Variants in USF1 observed in about 807,000 individuals in gnomAD.
The protein encoded by USF1 is upstream stimulatory factor 1.
In USF1, 22 loss-of-function variants were observed where a neutral mutation model predicts 46.3. The ratio of observed to expected loss-of-function variants is 0.47; its 90% CI spans 0.34 to 0.68. The LOEUF (loss-of-function observed/expected upper bound fraction) is 0.68. Among genes scored for constraint, USF1 ranks in the 30% least tolerant of loss-of-function variants. The pLI, the probability that USF1 is intolerant of heterozygous loss-of-function variation, is 0.01. For synonymous variants in USF1, 150 were observed against 147.0 expected (o/e 1.02, Z -0.15); for missense variants, 287 against 399.3 (o/e 0.72, Z 2.40).
At chr1:161,043,480 T>G in intron 1 of USF1, 120 bp from the exon 2 acceptor site, 1 of 722,680 alleles carries the variant, frequency 1.4e-6, no homozygotes, top group Non-Finnish European at 2.3e-6. Flanking sequence ...CAGGGGACAA[T>G]CAGCCTCCAC....
rs1196632445 is a variant in USF1 at position 161,040,343 on chromosome 1, G to A, written c.715-13C>T. 2 of 1,613,114 alleles carry A rather than the reference G, an allele frequency of 1.2e-6. No homozygotes were observed. Among genetic ancestry groups the A allele is most frequent in the African/African-American group, 1.3e-5 (1 of 74,874 alleles). On this transcript the variant is annotated splice_polypyrimidine_tract_variant and intron_variant, in intron 9 of 10. Transcript: ENST00000368021. The surrounding 1 kb of genome is among the most constrained non-coding windows in gnomAD (Gnocchi z 4.0). ...TCCCACCTTTACTCTGCAAGATAAGGTCAACAAAATGAGAACTAGGATTTC... is the reference window on the plus strand; with the variant it reads ...TCCCACCTTTACTCTGCAAGATAAGATCAACAAAATGAGAACTAGGATTTC...
chr1:161,040,676 G>A lies in USF1; in HGVS notation c.620-6C>T, dbSNP rs1650513651. The A allele has an allele frequency of 1.2e-6, 2 of 1,610,676 alleles. No homozygotes were observed. The highest frequency in any genetic ancestry group is 2.2e-5 in the East Asian group (1 of 44,858). On this transcript the variant is annotated splice_polypyrimidine_tract_variant and splice_region_variant and intron_variant, in intron 8 of 10. Coordinates refer to ENST00000368021, the MANE Select transcript of USF1 (RefSeq NM_007122.5). The surrounding 1 kb of genome is among the most constrained non-coding windows in gnomAD (Gnocchi z 4.0). Reference sequence around the variant, plus strand: ...GTCTCGGCGGCGACGCTCCACTGTGGGGCAAAGTGGAGGACAAGGTGACTC... The same window carrying A: ...GTCTCGGCGGCGACGCTCCACTGTGAGGCAAAGTGGAGGACAAGGTGACTC...
In USF1 at chr1:161,042,848, C is replaced by A. The variant is rs1185849648; in HGVS notation, c.43G>T (p.Val15Leu). 1 of 1,614,222 alleles carries A rather than the reference C, an allele frequency of 6.2e-7. No individual in the cohort carries two copies. The highest frequency in any genetic ancestry group is 8.5e-7 in the Non-Finnish European group (1 of 1,180,042). Residue 15 changes from valine (V) to leucine (L), a missense_variant, in exon 3 of 11, where the codon GTG becomes TTG. By Grantham distance (32) the Val-to-Leu change is conservative (BLOSUM62 1). Coordinates refer to ENST00000368021, the MANE Select transcript of USF1 (RefSeq NM_007122.5). ...QKTAETEEGT[V>L]QIQEGAVATG... ...TAGCACTCACCTTCCTGAATCTGCACTGTCCCCTCTTCCGTTTCAGCTGTT... is the reference window on the plus strand; with the variant it reads ...TAGCACTCACCTTCCTGAATCTGCAATGTCCCCTCTTCCGTTTCAGCTGTT...
chr1:161,043,301 G>T lies in USF1; in HGVS notation c.-26C>A. 1 of 1,614,180 alleles carries T rather than the reference G, an allele frequency of 6.2e-7. No homozygotes were observed. The highest frequency in any genetic ancestry group is 1.1e-5 in the South Asian group (1 of 91,070). On this transcript the variant is annotated 5_prime_UTR_variant, in exon 2 of 11. Coordinates refer to ENST00000368021, the MANE Select transcript of USF1 (RefSeq NM_007122.5). Reference sequence around the variant, plus strand: ...CTCTCTGTGAGGGGGCACATCCGAGGAACTGGTCCTTTTTTGGAGGTCTTT... The same window carrying T: ...CTCTCTGTGAGGGGGCACATCCGAGTAACTGGTCCTTTTTTGGAGGTCTTT...
Position 161,040,537 on chromosome 1 carries a change from A to G in USF1, c.714+39T>C. The G allele has an allele frequency of 6.2e-7, 1 of 1,601,184 alleles. No individual in the cohort carries two copies. Among genetic ancestry groups the G allele is most frequent in the Middle Eastern group, 1.8e-4 (1 of 5,538 alleles). ...TCTGGAAACAATACCAGGAGGCAGAATTCAGGCATCCTGCCCACTACCAGG... is the reference window on the plus strand; with the variant it reads ...TCTGGAAACAATACCAGGAGGCAGAGTTCAGGCATCCTGCCCACTACCAGG... On this transcript the variant is annotated intron_variant, in intron 9 of 10. Transcript: ENST00000368021. The surrounding 1 kb of genome is among the most constrained non-coding windows in gnomAD (Gnocchi z 4.0).
rs758423256 is a variant in USF1 at position 161,040,948 on chromosome 1, A to G, written c.561-76T>C. 5.0e-6 allele frequency: 8 copies of G among 1,590,732 alleles called. No homozygotes were observed. The highest frequency in any genetic ancestry group is 6.9e-6 in the Non-Finnish European group (8 of 1,163,602). ...GAAGTTTGGGGTTAAGGAATTATAC[A>G]AGATTTAGCAGGTATTAGGACCACT... On this transcript the variant is annotated intron_variant, in intron 7 of 10. Transcript: ENST00000368021. This position sits in a 1 kb window ranked among gnomAD's most constrained non-coding sequence, Gnocchi z 4.0.
chr1:161,039,763 G>C lies in USF1; in HGVS notation c.*157C>G. 1 of 717,070 alleles carries C rather than the reference G, an allele frequency of 1.4e-6. No individual in the cohort carries two copies. The highest frequency in any genetic ancestry group is 2.3e-6 in the Non-Finnish European group (1 of 435,438). The allele number at this position is 717,070 out of a possible 1,614,324, so 44.4% of individuals were successfully genotyped here. A position where few individuals can be genotyped will look rare whatever the true frequency, so the allele number is the denominator to read the frequency against. On this transcript the variant is annotated 3_prime_UTR_variant, in exon 11 of 11. Coordinates refer to ENST00000368021, the MANE Select transcript of USF1 (RefSeq NM_007122.5). ...CATTGTGTGTTTCACACCACTGCAG[G>C]CCGCCATATCACAGGGCCTCAGTTC...
chr1:161,041,445 T>C, intron 6 of USF1, 34 bp from the exon 7 acceptor site: 1 of 1,604,844 alleles, frequency 6.2e-7, no homozygotes, highest in Non-Finnish European at 8.5e-7. Flanking sequence ...TGTCAGGACA[T>C]GGGTAGGAAC....
Position 161,043,367 on chromosome 1 carries a change from G to C in USF1, c.-85-7C>G. 1 of 1,598,622 alleles carries C rather than the reference G, an allele frequency of 6.3e-7. No individual in the cohort carries two copies. Among genetic ancestry groups the C allele is most frequent in the Non-Finnish European group, 8.6e-7 (1 of 1,169,360 alleles). ...CAGGCCTGAGTGCTAAGTCCTGGTA[G>C]AAATCATGAAGTTTGCAATGAGTTT... On this transcript the variant is annotated splice_region_variant and splice_polypyrimidine_tract_variant and intron_variant, in intron 1 of 10. Coordinates refer to ENST00000368021, the MANE Select transcript of USF1 (RefSeq NM_007122.5).
Position 161,040,474 on chromosome 1 carries a change from A to G in USF1, c.714+102T>C, listed in dbSNP as rs1650500293. The G allele has an allele frequency of 3.9e-6, 6 of 1,556,690 alleles. No homozygotes were observed. The highest frequency in any genetic ancestry group is 5.2e-6 in the Non-Finnish European group (6 of 1,146,682). ...AGGGATACAGGAACCTCAGGGAGAG[A>G]TAAGACTACTGTCATGTGTGCCCCT... On this transcript the variant is annotated intron_variant, in intron 9 of 10. Coordinates refer to ENST00000368021, the MANE Select transcript of USF1 (RefSeq NM_007122.5). The surrounding 1 kb of genome is among the most constrained non-coding windows in gnomAD (Gnocchi z 4.0).
At position 161,040,184 on chromosome 1, in the gene USF1, T is replaced by TG. The variant is rs753372819; in HGVS notation, c.843+17dup. The TG allele has an allele frequency of 1.2e-6, 2 of 1,613,710 alleles. No individual in the cohort carries two copies. Among genetic ancestry groups the TG allele is most frequent in the Non-Finnish European group, 1.7e-6 (2 of 1,179,848 alleles). ...CTAGCAGAACTGAGAAGGGCTGCAC[T>TG]GGGGGTAGGAGTCTGACCTGTTGTC... On this transcript the variant is annotated intron_variant, in intron 10 of 10. Coordinates refer to ENST00000368021, the MANE Select transcript of USF1 (RefSeq NM_007122.5). The surrounding 1 kb of genome is among the most constrained non-coding windows in gnomAD (Gnocchi z 4.0).
In USF1 at chr1:161,042,606, G is replaced by A. The variant is rs375213662; in HGVS notation, c.123C>T (p.Thr41=). The part of the protein sequence containing the change: ...VAIASIQSAA[T]FPDPNVKYVF... ...CGTACTTGACGTTGGGGTCAGGGAA[G>A]GTGGCAGCTGACTGGATGCTGGCAA... The change falls in exon 4 of 11, where the codon ACC becomes ACT. Residue 41 remains threonine (T), a synonymous_variant. Coordinates refer to ENST00000368021, the MANE Select transcript of USF1 (RefSeq NM_007122.5). The A allele has an allele frequency of 5.0e-6, 8 of 1,614,146 alleles. No individual in the cohort carries two copies. The highest frequency in any genetic ancestry group is 6.8e-6 in the Non-Finnish European group (8 of 1,180,060).
chr1:161,043,436 G>C (rs1175140451), intron 1 of USF1, 76 bp from the exon 2 acceptor site: 5 of 1,135,944 alleles, frequency 4.4e-6, no homozygotes, highest in Non-Finnish European at 6.3e-6. Flanking sequence ...TAGGTTCCAT[G>C]AACACATAGC....
At chr1:161,041,261 CAAAAAAA>C (rs1181304214) in intron 7 of USF1, 56 bp downstream of exon 7, 109 of 668,452 alleles carry the variant, frequency 1.6e-4, no homozygotes, top group Non-Finnish European at 1.9e-4. Context: ...GACTCTGTCT[CAAAAAAA>C]AAAAAAAAAA....
At chr1:161,042,012 G>A (rs1356121067) in intron 5 of USF1, 104 bp downstream of exon 5, 3 of 1,357,838 alleles carry the variant, frequency 2.2e-6, no homozygotes, top group Non-Finnish European at 3.1e-6. Context: ...GGACAAGGCA[G>A]CCTTAGATGC....
Position 161,040,879 on chromosome 1 carries a change from A to G in USF1, c.561-7T>C, listed in dbSNP as rs1012934227. ...CCGGGGAGCTTCTGACTTCCTGACA[A>G]CAGAGCCCAGGGTGGCCAGAGTAAG... On this transcript the variant is annotated splice_region_variant and splice_polypyrimidine_tract_variant and intron_variant, in intron 7 of 10. Coordinates refer to ENST00000368021, the MANE Select transcript of USF1 (RefSeq NM_007122.5). The surrounding 1 kb of genome is among the most constrained non-coding windows in gnomAD (Gnocchi z 4.0). The G allele has an allele frequency of 1.2e-6, 2 of 1,614,082 alleles. No individual in the cohort carries two copies. The highest frequency in any genetic ancestry group is 1.7e-6 in the Non-Finnish European group (2 of 1,180,002).
In USF1 at chr1:161,041,307, A is replaced by AAACAAGG; in HGVS notation, c.560+10_560+16dup. On this transcript the variant is annotated intron_variant, in intron 7 of 10. Coordinates refer to ENST00000368021, the MANE Select transcript of USF1 (RefSeq NM_007122.5). ...AAAACCACTTACGGAATCTGAGAAGAAACAAGGGTCACTCACGGGGAATAA... is the reference window on the plus strand; with the variant it reads ...AAAACCACTTACGGAATCTGAGAAGAAACAAGGAACAAGGGTCACTCACGGGGAATAA... The AAACAAGG allele has an allele frequency of 6.3e-7, 1 of 1,592,108 alleles. No homozygotes were observed. The highest frequency in any genetic ancestry group is 1.1e-5 in the South Asian group (1 of 88,178).
At position 161,041,404 on chromosome 1, in the gene USF1, G is replaced by T. The variant is rs956695756; in HGVS notation, c.480C>A (p.Phe160Leu). 9.9e-6 allele frequency: 16 copies of T among 1,613,168 alleles called. No homozygotes were observed. The highest frequency in any genetic ancestry group is 2.7e-5 in the African/African-American group (2 of 74,798). ...CTTCTTGTGGTGACATCATCACAAA[G>T]AATTGACCTGTGAAGATGCAGGGTA... Reference protein sequence around the residue: ...GQATPPGTGQFFVMMSPQEVL... With the variant: ...GQATPPGTGQLFVMMSPQEVL... The change falls in exon 7 of 11, where the codon TTC becomes TTA. Residue 160 changes from phenylalanine (F) to leucine (L), a missense_variant. Phe to Leu is a conservative substitution (Grantham distance 22). Coordinates refer to ENST00000368021, the MANE Select transcript of USF1 (RefSeq NM_007122.5).
chr1:161,044,161 TG>T (rs1364862071), intron 1 of USF1, among the ~76,000 whole-genome samples: 1 of 152,058 alleles, frequency 6.6e-6, no homozygotes, highest in African/African-American at 2.4e-5. Flanking sequence ...CAGGCTGGTC[TG>T]GAACTCCTGA....
Sources: allele counts gnomAD v4.1 joint callset (sites outside exome capture counted in the v4.1 genomes callset), GRCh38; gene constraint gnomAD v4.1.1; non-coding constraint Gnocchi (gnomAD v3.1); transcripts MANE v1.5; gene names NCBI Gene and HGNC (gene_info 2026-07-23, HGNC 2026-07-21).